Variants in GMDS observed in about 807,000 individuals in gnomAD.
The protein encoded by GMDS is GDP-mannose 4,6 dehydratase.
A neutral mutation model predicts 49.9 loss-of-function variants in GMDS; 20 were observed. The observed-to-expected ratio is 0.40, with a 90% confidence interval of 0.28 to 0.58. GMDS has a LOEUF of 0.58. Among genes scored for constraint, GMDS ranks in the 20% least tolerant of loss-of-function variants. The pLI is 0.42. For synonymous variants in GMDS, 177 were observed against 178.6 expected (o/e 0.99, Z 0.07); for missense variants, 362 against 481.4 (o/e 0.75, Z 2.32).
At chr6:2,145,372 T>TA (rs35434880) in intron 1 of GMDS, among the ~76,000 whole-genome samples, 6 of 151,158 alleles carry the variant, frequency 4.0e-5, no homozygotes, top group South Asian at 2.1e-4. Flanking sequence ...CCATCTCTAC[T>TA]AAAAAAAATA....
intron 5 of GMDS, 60 bp from the exon 6 acceptor site, chr6:1,960,031 A>G: frequency 3.2e-6 from 3 of 940,538 alleles, no homozygotes; most frequent in Non-Finnish European, 5.0e-6. Context: ...GATTCTCACC[A>G]TCTTCAACAG....
intron 1 of GMDS, among the ~76,000 whole-genome samples, chr6:2,149,491 T>C (rs755129766): frequency 5.3e-5 from 8 of 152,130 alleles, no homozygotes; most frequent in Admixed American, 2.0e-4. Context: ...TACCACAGAA[T>C]GGCTTTTTCA....
rs1767171482 is a variant in GMDS, at chr6:2,006,355, G to A, written c.346-45389C>T. ...AGGTGGGAAGATCGCTTGAGCCTAG[G>A]ATATTGACGTTGCAGTGAGCTATGA... is the stretch of plus-strand genomic sequence containing the variant. On this transcript the variant is annotated intron_variant, in intron 4 of 10. Coordinates refer to ENST00000380815, the MANE Select transcript of GMDS (RefSeq NM_001500.4). 3.9e-5 allele frequency among the ~76,000 whole-genome samples: 6 copies of A among 152,066 alleles called. 1 individual carries two copies. In the South Asian group the frequency reaches 1.2e-3, roughly 32 times the overall value.
intron 4 of GMDS, among the ~76,000 whole-genome samples, chr6:2,006,701 CT>C: frequency 6.6e-6 from 1 of 152,140 alleles, no homozygotes; most frequent in Admixed American, 6.6e-5. Flanking sequence ...TTTCTACCAC[CT>C]TTTCCATTCT....
At chr6:2,096,361 T>A (rs984515034) in intron 4 of GMDS, among the ~76,000 whole-genome samples, 1 of 152,172 alleles carries the variant, frequency 6.6e-6, no homozygotes, top group Non-Finnish European at 1.5e-5. Flanking sequence ...AGTAAAAACA[T>A]ATATATTTAA....
At chr6:1,870,478 C>A (rs567472174) in intron 7 of GMDS, among the ~76,000 whole-genome samples, 1 of 152,228 alleles carries the variant, frequency 6.6e-6, no homozygotes, top group Non-Finnish European at 1.5e-5. Flanking sequence ...CACACCCGCA[C>A]ACCAAGCACA....
chr6:2,008,617 G>A (rs1304536578), intron 4 of GMDS, among the ~76,000 whole-genome samples: 1 of 152,162 alleles, frequency 6.6e-6, no homozygotes, highest in Non-Finnish European at 1.5e-5. Flanking sequence ...AAGCATTCTT[G>A]TAGATAACAG....
chr6:1,810,542 C>T (rs1348422584), intron 7 of GMDS, among the ~76,000 whole-genome samples: 1 of 152,032 alleles, frequency 6.6e-6, no homozygotes, highest in Non-Finnish European at 1.5e-5. Flanking sequence ...CTCGGCCTCC[C>T]AGAGTGCTAG....
At chr6:1,895,233 C>T (rs1366244890) in intron 7 of GMDS, among the ~76,000 whole-genome samples, 1 of 152,138 alleles carries the variant, frequency 6.6e-6, no homozygotes, top group African/African-American at 2.4e-5. Flanking sequence ...ACCTGCCTTC[C>T]GTCCACCATT....
chr6:2,029,134 A>C (rs552881936), intron 4 of GMDS, among the ~76,000 whole-genome samples: 2 of 152,100 alleles, frequency 1.3e-5, no homozygotes, highest in East Asian at 3.8e-4. Flanking sequence ...CAAGACAGAA[A>C]GTAAATCCAA....
At chr6:1,882,371 G>A (rs1159268130) in intron 7 of GMDS, among the ~76,000 whole-genome samples, 2 of 152,216 alleles carry the variant, frequency 1.3e-5, no homozygotes, top group Non-Finnish European at 2.9e-5. Context: ...AGTTGAGCAT[G>A]CACAAGGATA....
At chr6:1,767,297 C>T (rs538085359) in intron 7 of GMDS, among the ~76,000 whole-genome samples, 3 of 152,016 alleles carry the variant, frequency 2.0e-5, no homozygotes, top group South Asian at 4.2e-4. Context: ...ATAACAGAAA[C>T]GACAACAACT....
intron 7 of GMDS, among the ~76,000 whole-genome samples, chr6:1,900,448 T>C (rs1322210305): frequency 1.3e-5 from 2 of 152,228 alleles, no homozygotes; most frequent in African/African-American, 4.8e-5. Flanking sequence ...GACCTAAGCC[T>C]TTATTACGAT....
chr6:1,942,823 G>A (rs1462304965), intron 6 of GMDS, among the ~76,000 whole-genome samples: 4 of 152,186 alleles, frequency 2.6e-5, no homozygotes, highest in Non-Finnish European at 5.9e-5. Flanking sequence ...CTTAGCGTGA[G>A]GTTCGCTTTT....
At chr6:1,839,724 C>T (rs975702237) in intron 7 of GMDS, among the ~76,000 whole-genome samples, 7 of 152,128 alleles carry the variant, frequency 4.6e-5, no homozygotes, top group African/African-American at 1.7e-4. Context: ...TGAGCTCTGT[C>T]AGGCAAAGCT....
At chr6:1,919,086 G>T (rs1267748861) in intron 7 of GMDS, among the ~76,000 whole-genome samples, 1 of 152,148 alleles carries the variant, frequency 6.6e-6, no homozygotes, top group African/African-American at 2.4e-5. Context: ...ATGATGGGCA[G>T]GGAGATCCAA....
chr6:2,056,717 C>T (rs924728565), intron 4 of GMDS, among the ~76,000 whole-genome samples: 1 of 152,186 alleles, frequency 6.6e-6, no homozygotes, highest in Admixed American at 6.5e-5. Flanking sequence ...CACTCTGCCA[C>T]ATGGCTGGAC....
chr6:2,099,586 T>C (rs1773806104), intron 4 of GMDS, among the ~76,000 whole-genome samples: 1 of 152,140 alleles, frequency 6.6e-6, no homozygotes, highest in Non-Finnish European at 1.5e-5. Flanking sequence ...TTCTATTTTA[T>C]AGAAAATATT....
intron 4 of GMDS, among the ~76,000 whole-genome samples, chr6:2,084,667 C>A (rs1309150024): frequency 4.6e-5 from 7 of 151,974 alleles, no homozygotes; most frequent in African/African-American, 1.7e-4. Context: ...CCACCACGCC[C>A]GGCTAATTTT....
Sources: gnomAD v4.1 joint callset for allele counts (sites outside exome capture counted in the v4.1 genomes callset) on GRCh38, gnomAD v4.1.1 for gene constraint, MANE v1.5 for transcripts, NCBI Gene and HGNC (gene_info 2026-07-23, HGNC 2026-07-21) for gene names.